Variants in TTPA observed in about 807,000 individuals in gnomAD.
TTPA encodes alpha-tocopherol transfer protein.
Under a neutral mutation model 25.9 loss-of-function variants are expected in TTPA, and 23 were observed. The ratio of observed to expected loss-of-function variants is 0.89; its 90% CI spans 0.64 to 1.26. The LOEUF (loss-of-function observed/expected upper bound fraction) is 1.26, where lower values mean the gene tolerates loss of function less well. TTPA is among the 50% of genes most tolerant of loss of function. The pLI is 0.00. For synonymous variants in TTPA, 148 were observed against 137.3 expected (o/e 1.08, Z -0.54); for missense variants, 337 against 353.1 (o/e 0.95, Z 0.37).
chr8:63,070,484 C>CTAAAAGTTT (rs1272437002), intron 2 of TTPA, among the ~76,000 whole-genome samples: 1 of 152,164 alleles, frequency 6.6e-6, no homozygotes, highest in Admixed American at 6.5e-5. Flanking sequence ...TTTCATTTTA[C>CTAAAAGTTT]TCATAAAACT....
At chr8:63,083,447 G>A (rs909660606) in intron 1 of TTPA, among the ~76,000 whole-genome samples, 7 of 152,084 alleles carry the variant, frequency 4.6e-5, no homozygotes, top group Non-Finnish European at 1.0e-4. Flanking sequence ...GAGAACACTT[G>A]GACACACAGT....
chr8:63,082,964 G>A (rs1805687776), intron 1 of TTPA, among the ~76,000 whole-genome samples: 1 of 152,068 alleles, frequency 6.6e-6, no homozygotes, highest in Admixed American at 6.6e-5. Context: ...TTAGAATGGT[G>A]ATCATTGAAA....
At chr8:63,061,958 T>A (rs1229471101) in intron 4 of TTPA, among the ~76,000 whole-genome samples, 1 of 152,046 alleles carries the variant, frequency 6.6e-6, no homozygotes. Flanking sequence ...ATCCCAACAC[T>A]TTGAGAGGCC....
intron 2 of TTPA, among the ~76,000 whole-genome samples, chr8:63,068,855 T>C (rs1287342830): frequency 6.6e-6 from 1 of 152,178 alleles, no homozygotes; most frequent in Non-Finnish European, 1.5e-5. Context: ...TAGTGTTTTT[T>C]AAAAGCCTCA....
Position 63,060,673 on chromosome 8 carries a change from G to GAA in TTPA, c.*577_*578dup, listed in dbSNP as rs10543235. The GAA allele has an allele frequency of 2.1e-5, 3 of 145,648 alleles. No individual in the cohort carries two copies. The highest frequency in any genetic ancestry group is 4.6e-5 in the Non-Finnish European group (3 of 65,476). The allele number at this position is 145,648 out of a possible 1,614,324, so 9.0% of individuals were successfully genotyped here. ...TGGGCGACAGAGCAAGACTCTGTCT[G>GAA]AAAAAAAAAAAAAAAGTTTCTATCG... On this transcript the variant is annotated 3_prime_UTR_variant, in exon 5 of 5. Coordinates refer to ENST00000260116, the MANE Select transcript of TTPA (RefSeq NM_000370.3).
At chr8:63,071,453 G>T (rs544552766) in intron 2 of TTPA, among the ~76,000 whole-genome samples, 105 of 152,200 alleles carry the variant, frequency 6.9e-4, no homozygotes, top group African/African-American at 2.3e-3. Flanking sequence ...ATGAAATGTT[G>T]GTTTATCTTT....
intron 1 of TTPA, among the ~76,000 whole-genome samples, chr8:63,084,847 C>T (rs1805722904): frequency 6.6e-6 from 1 of 152,170 alleles, no homozygotes; most frequent in Non-Finnish European, 1.5e-5. Flanking sequence ...TATGGAGTAG[C>T]CATTCTTTTG....
chr8:63,085,680 G>C (rs1805737188), intron 1 of TTPA, 138 bp downstream of exon 1: 1 of 990,334 alleles, frequency 1.0e-6, no homozygotes, highest in African/African-American at 1.7e-5. Flanking sequence ...GCCCACGCCG[G>C]GTGGTTAGGG....
At position 63,064,240 on chromosome 8, in the gene TTPA, A is replaced by G. The variant is rs753949967; in HGVS notation, c.629T>C (p.Ile210Thr). Residue 210 changes from isoleucine to threonine, a missense_variant, in exon 4 of 5, where the codon ATC becomes ACC. By Grantham distance (89) the Ile-to-Thr change is moderately conservative (BLOSUM62 -1). Transcript: ENST00000260116. ...AATTTTTTCAGTCAGGAATGGTTTG[A>G]TCATGGAAAAGACAGCATGGAAAAT... is the stretch of plus-strand genomic sequence containing the variant. ...PVIFHAVFSM[I>T]KPFLTEKIKE... is the part of the protein sequence containing the mutation. 15 of 1,613,170 alleles carry G rather than the reference A, an allele frequency of 9.3e-6. No homozygotes were observed. Among genetic ancestry groups the G allele is most frequent in the African/African-American group, 1.3e-5 (1 of 75,014 alleles).
At chr8:63,059,038 T>TTG (rs1805251042), downstream of TTPA, among the ~76,000 whole-genome samples, 1 of 131,582 alleles carries the variant, frequency 7.6e-6, no homozygotes, top group Admixed American at 7.7e-5. Context: ...TTTTTTTTTT[T>TTG]TTTTTTTTTT....
At position 63,061,266 on chromosome 8, in the gene TTPA, C is replaced by T; in HGVS notation, c.823G>A (p.Glu275Lys). 1 of 1,613,644 alleles carries T rather than the reference C, an allele frequency of 6.2e-7. No individual in the cohort carries two copies. The highest frequency in any genetic ancestry group is 8.5e-7 in the Non-Finnish European group (1 of 1,179,912). ...GACATAACTTCTCATTGAATGCTCTCAGAAATGCTGCTGAGATAATCTTCA... is the reference window on the plus strand; with the variant it reads ...GACATAACTTCTCATTGAATGCTCTTAGAAATGCTGCTGAGATAATCTTCA... ...KSEDYLSSIS[E>K]SIQ Residue 275 changes from glutamate (E) to lysine (K), a missense_variant, in exon 5 of 5, where the codon GAG becomes AAG. Transcript: ENST00000260116.
At position 63,061,443 on chromosome 8, in the gene TTPA, C is replaced by T. The variant is rs762716411; in HGVS notation, c.664-18G>A. ...ATGTGAATCTGAAATAGCCAAAACA[C>T]TTTAGAAGGAAACCGCATTAGATGC... On this transcript the variant is annotated intron_variant, in intron 4 of 4. Transcript: ENST00000260116. 1.9e-5 allele frequency: 31 copies of T among 1,613,170 alleles called. No individual in the cohort carries two copies. The highest frequency in any genetic ancestry group is 4.2e-6 in the Non-Finnish European group (5 of 1,179,554).
intron 2 of TTPA, among the ~76,000 whole-genome samples, chr8:63,070,201 TA>T (rs1265118274): frequency 6.6e-6 from 1 of 151,018 alleles, no homozygotes; most frequent in East Asian, 1.9e-4. Flanking sequence ...CACTCACTGT[TA>T]AATTTTACTT....
intron 1 of TTPA, among the ~76,000 whole-genome samples, chr8:63,085,129 C>A (rs1321619899): frequency 1.3e-5 from 2 of 152,148 alleles, no homozygotes; most frequent in Non-Finnish European, 2.9e-5. Flanking sequence ...CAGGCATTTC[C>A]ATCATTATTT....
At chr8:63,082,382 A>G (rs1055437586) in intron 1 of TTPA, among the ~76,000 whole-genome samples, 1 of 152,156 alleles carries the variant, frequency 6.6e-6, no homozygotes, top group Non-Finnish European at 1.5e-5. Context: ...ACAAAAACAA[A>G]AAATGGGGAA....
At chr8:63,069,292 A>T (rs1399147379) in intron 2 of TTPA, among the ~76,000 whole-genome samples, 4 of 83,502 alleles carry the variant, frequency 4.8e-5, no homozygotes, top group Admixed American at 4.6e-4. Flanking sequence ...TATAATGATT[A>T]AAAAAAAAAA....
chr8:63,076,805 T>G (rs1041070042), intron 1 of TTPA, among the ~76,000 whole-genome samples: 4 of 152,222 alleles, frequency 2.6e-5, no homozygotes, highest in Admixed American at 6.5e-5. Flanking sequence ...TATTCAGTAG[T>G]TACTAAGTAC....
intron 2 of TTPA, among the ~76,000 whole-genome samples, chr8:63,071,005 A>G (rs568311984): frequency 3.2e-4 from 49 of 152,270 alleles, no homozygotes; most frequent in Admixed American, 2.6e-3. Context: ...ATAACTGGGC[A>G]TCCTTTATTT....
intron 2 of TTPA, among the ~76,000 whole-genome samples, chr8:63,068,095 A>G (rs891298402): frequency 6.6e-6 from 1 of 152,174 alleles, no homozygotes; most frequent in East Asian, 1.9e-4. Flanking sequence ...CTGGAATAGC[A>G]GCTAGTTGTG....
Sources: allele counts gnomAD v4.1 joint callset (sites outside exome capture counted in the v4.1 genomes callset), GRCh38; gene constraint gnomAD v4.1.1; transcripts MANE v1.5; gene names NCBI Gene and HGNC (gene_info 2026-07-23, HGNC 2026-07-21).